Variants in RPL3L observed in about 807,000 individuals in gnomAD.
The protein encoded by RPL3L is ribosomal protein L3 like.
Under a neutral mutation model 44.5 loss-of-function variants are expected in RPL3L, and 44 were observed. The observed-to-expected ratio is 0.99, with a 90% CI of 0.78 to 1.27. RPL3L has a LOEUF of 1.27. Ranked by LOEUF, RPL3L falls within the 50% of genes most tolerant of loss-of-function variation. RPL3L has a pLI of 0.00. For missense variants in RPL3L, 631 were observed against 569.1 expected, an observed-to-expected ratio of 1.11 and a Z score of -1.11; for synonymous variants, 292 against 230.7, an observed-to-expected ratio of 1.27 and a Z score of -2.41.
Position 1,944,242 on chromosome 16 carries a change from C to T in RPL3L, c.*595G>A, listed in dbSNP as rs2083103035. 1 of 152,636 alleles carries T rather than the reference C, an allele frequency of 6.6e-6. No individual in the cohort carries two copies. Among genetic ancestry groups the T allele is most frequent in the African/African-American group, 2.4e-5 (1 of 41,434 alleles). 9.5% of individuals were successfully genotyped at this position (152,636 alleles called of 1,614,324 possible). A position where few individuals can be genotyped will look rare whatever the true frequency, so the allele number is the denominator to read the frequency against. On this transcript the variant is annotated 3_prime_UTR_variant, in exon 10 of 10. Coordinates refer to ENST00000268661, the MANE Select transcript of RPL3L (RefSeq NM_005061.3). ...GAATTATGGTTTAGGAGTCGTGCAT[C>T]TGGAGGCTACAAGATTCTGACCCTC...
At position 1,944,862 on chromosome 16, in the gene RPL3L, G is replaced by A. The variant is rs767976395; in HGVS notation, c.1199C>T (p.Thr400Met). Reference sequence around the variant, plus strand: ...CTACAAGTCTCCCGAGGTCTCCGGCGTTTCCTTCTCCAGATGCTTCTTTTG... The same window carrying A: ...CTACAAGTCTCCCGAGGTCTCCGGCATTTCCTTCTCCAGATGCTTCTTTTG... The part of the protein sequence containing the change: ...GPQKKHLEKE[T>M]PETSGDL Residue 400 changes from threonine (T) to methionine (M), a missense_variant, in exon 10 of 10, where the codon ACG (threonine) becomes ATG (methionine). Coordinates refer to ENST00000268661, the MANE Select transcript of RPL3L (RefSeq NM_005061.3). The A allele has an allele frequency of 2.5e-5, 40 of 1,613,930 alleles. No homozygotes were observed. The highest frequency in any genetic ancestry group is 1.6e-4 in the Middle Eastern group (1 of 6,084).
intron 4 of RPL3L, 101 bp downstream of exon 4, chr16:1,950,743 G>A: frequency 1.3e-6 from 2 of 1,582,938 alleles, no homozygotes; most frequent in Non-Finnish European, 1.7e-6. Context: ...CTGTGCCGAG[G>A]CTCGGGTATT....
intron 4 of RPL3L, among the ~76,000 whole-genome samples, chr16:1,948,322 C>G (rs1417581266): frequency 6.6e-6 from 1 of 151,938 alleles, no homozygotes; most frequent in Non-Finnish European, 1.5e-5. Context: ...CTCCCTGAAT[C>G]AAGTGATTCT....
At chr16:1,947,413 C>G (rs375362717) in intron 4 of RPL3L, 33 bp from the exon 5 acceptor site, 577 of 1,503,908 alleles carry the variant, frequency 3.8e-4, no homozygotes, top group Non-Finnish European at 4.9e-4. Flanking sequence ...ACGCCACGGC[C>G]CACGGGATCA....
chr16:1,952,372 T>C (rs2083176797), intron 3 of RPL3L, among the ~76,000 whole-genome samples: 3 of 152,072 alleles, frequency 2.0e-5, no homozygotes, highest in Admixed American at 2.0e-4. Flanking sequence ...ATGTTTTTTG[T>C]TTTTTGTGTT....
intron 7 of RPL3L, 143 bp from the exon 8 acceptor site, chr16:1,946,073 C>T (rs1298307112): frequency 1.7e-5 from 11 of 651,340 alleles, no homozygotes; most frequent in South Asian, 1.1e-4. Flanking sequence ...GTGACTATCA[C>T]GCCGCCCCTA....
intron 4 of RPL3L, among the ~76,000 whole-genome samples, chr16:1,949,058 A>G (rs7198197): frequency 0.62 from 85,284 of 138,518 alleles, 28,137 homozygotes; most frequent in African/African-American, 0.84. Context: ...TGTTGCCAAG[A>G]CTGGTCTCGA....
In RPL3L at chr16:1,954,146, G is replaced by C. The variant is rs780595358; in HGVS notation, c.6C>G (p.Ser2=). 5.1e-6 allele frequency: 8 copies of C among 1,575,248 alleles called. No homozygotes were observed. Among genetic ancestry groups the C allele is most frequent in the Non-Finnish European group, 8.6e-7 (1 of 1,159,772 alleles). M[S]HRKFSAPRHG... is the part of the protein sequence containing the mutation. The stretch of plus-strand genomic sequence containing the variant: ...GCCGAGGGGCGGAAAACTTCCGGTG[G>C]GACTGGGGGGCAGGAAGGAAGGAGG... Residue 2 remains serine (S), a splice_region_variant and synonymous_variant, in exon 2 of 10, where the codon TCC becomes TCG. Coordinates refer to ENST00000268661, the MANE Select transcript of RPL3L (RefSeq NM_005061.3).
At chr16:1,946,282 A>G (rs1056375084) in intron 7 of RPL3L, among the ~76,000 whole-genome samples, 2 of 152,230 alleles carry the variant, frequency 1.3e-5, no homozygotes, top group Non-Finnish European at 2.9e-5. Flanking sequence ...GCCGCACTCC[A>G]CACCCACATG....
rs2083103717 is a variant in RPL3L at position 1,944,332 on chromosome 16, TG to T, written c.*504del. 1 of 156,426 alleles carries T rather than the reference TG, an allele frequency of 6.4e-6. No individual in the cohort carries two copies. The highest frequency in any genetic ancestry group is 1.4e-5 in the Non-Finnish European group (1 of 70,354). 9.7% of individuals were successfully genotyped at this position (156,426 alleles called of 1,614,324 possible). A position where few individuals can be genotyped will look rare whatever the true frequency, so the allele number is the denominator to read the frequency against. On this transcript the variant is annotated 3_prime_UTR_variant, in exon 10 of 10. Transcript: ENST00000268661. ...CGACCCTGCAACTTGATGGATCTGCTGGCACCAACCAGATTGATAAACTGGC... is the reference window on the plus strand; with the variant it reads ...CGACCCTGCAACTTGATGGATCTGCTGCACCAACCAGATTGATAAACTGGC...
In RPL3L at chr16:1,949,398, C is replaced by T. The variant is rs367900111; in HGVS notation, c.501+1446G>A. On this transcript the variant is annotated intron_variant, in intron 4 of 9. Coordinates refer to ENST00000268661, the MANE Select transcript of RPL3L (RefSeq NM_005061.3). ...TCTCCCAAGTAGCTGGGATTGCAGG[C>T]GCCCACCATGCCCAGCTAATTTGTT... Among the ~76,000 whole-genome samples the T allele has an allele frequency of 7.1e-4, 107 of 149,926 alleles. 2 individuals carry two copies. In the South Asian group the frequency reaches 0.022, roughly 31 times the overall value.
Position 1,948,033 on chromosome 16 carries a change from G to A in RPL3L, c.502-653C>T, listed in dbSNP as rs1350315048. 8.7e-4 allele frequency among the ~76,000 whole-genome samples: 127 copies of A among 146,324 alleles called. No homozygotes were observed. In the Middle Eastern group the frequency reaches 0.028, roughly 33 times the overall value. ...GCTCACTGCAAGCTCTGCCTCCCGG[G>A]TTCACGCCATTCCCCTGCCTCAGCC... is the stretch of plus-strand genomic sequence containing the variant. On this transcript the variant is annotated intron_variant, in intron 4 of 9. Coordinates refer to ENST00000268661, the MANE Select transcript of RPL3L (RefSeq NM_005061.3).
intron 3 of RPL3L, among the ~76,000 whole-genome samples, chr16:1,951,821 G>C (rs972313512): frequency 6.6e-6 from 1 of 150,502 alleles, no homozygotes; most frequent in Admixed American, 6.6e-5. Flanking sequence ...CTTACTGCCA[G>C]GGAAGATTTG....
In RPL3L at chr16:1,952,945, A is replaced by G. The variant is rs746044959; in HGVS notation, c.294T>C (p.Gly98=). The G allele has an allele frequency of 6.2e-7, 1 of 1,613,744 alleles. No individual in the cohort carries two copies. The highest frequency in any genetic ancestry group is 2.2e-5 in the East Asian group (1 of 44,854). Reference sequence around the variant, plus strand: ...CAAAGATGGTCTTGAAGCTCCGGAGACCTCGAGGGGTGGCCACGTAGCCCA... The same window carrying G: ...CAAAGATGGTCTTGAAGCTCCGGAGGCCTCGAGGGGTGGCCACGTAGCCCA... ...GVVGYVATPR[G]LRSFKTIFAE... is the part of the protein sequence containing the mutation. The change falls in exon 3 of 10, where the codon GGT becomes GGC. Residue 98 remains glycine (G), a synonymous_variant. Coordinates refer to ENST00000268661, the MANE Select transcript of RPL3L (RefSeq NM_005061.3).
chr16:1,949,242 TTG>T (rs1393071006), intron 4 of RPL3L, among the ~76,000 whole-genome samples: 7 of 135,342 alleles, frequency 5.2e-5, no homozygotes, highest in African/African-American at 2.1e-4. Context: ...GGCCTGATTT[TTG>T]TTTTTTTTTT....
chr16:1,949,255 T>TTCC (rs1567310370), intron 4 of RPL3L, among the ~76,000 whole-genome samples: 1 of 102,542 alleles, frequency 9.8e-6, no homozygotes, highest in African/African-American at 4.0e-5. Context: ...TTTTTTTTTT[T>TTCC]TTTCTTTTTT....
At chr16:1,952,694 A>G (rs2083178272) in intron 3 of RPL3L, among the ~76,000 whole-genome samples, 180 bp downstream of exon 3, 1 of 152,074 alleles carries the variant, frequency 6.6e-6, no homozygotes, top group African/African-American at 2.4e-5. Context: ...TTTTATTGAA[A>G]TGAAGGCAAC....
chr16:1,946,869 CCACT>C (rs2083125067), intron 6 of RPL3L, 65 bp downstream of exon 6: 8 of 1,560,352 alleles, frequency 5.1e-6, no homozygotes, highest in East Asian at 2.3e-5. Context: ...TGCACCCCAC[CCACT>C]GAGGCCAGTA....
intron 4 of RPL3L, among the ~76,000 whole-genome samples, chr16:1,949,464 G>T (rs2083153202): frequency 6.6e-6 from 1 of 151,022 alleles, no homozygotes; most frequent in Admixed American, 6.6e-5. Flanking sequence ...TGTTGGCCAG[G>T]CTGGTCTCGA....
Sources: gnomAD v4.1 joint callset for allele counts (sites outside exome capture counted in the v4.1 genomes callset) on GRCh38, gnomAD v4.1.1 for gene constraint, MANE v1.5 for transcripts, NCBI Gene and HGNC (gene_info 2026-07-23, HGNC 2026-07-21) for gene names.